Variants in MTHFD1L observed in about 807,000 individuals in gnomAD.
MTHFD1L encodes the protein methylenetetrahydrofolate dehydrogenase (NADP+ dependent) 1 like.
A neutral mutation model predicts 119.5 loss-of-function variants in MTHFD1L; 81 were observed. The observed-to-expected ratio is 0.68, with a 90% CI of 0.57 to 0.82. The LOEUF (loss-of-function observed/expected upper bound fraction) is 0.82, where lower values mean the gene tolerates loss of function less well. Among genes scored for constraint, MTHFD1L ranks in the 40% least tolerant of loss-of-function variants. MTHFD1L has a pLI of 0.00. For synonymous variants in MTHFD1L, 430 were observed against 475.2 expected (o/e 0.90, Z 1.24); for missense variants, 1,125 against 1,253.4 (o/e 0.90, Z 1.55).
At chr6:151,020,439 G>C (rs927502636) in intron 24 of MTHFD1L, among the ~76,000 whole-genome samples, 2 of 152,184 alleles carry the variant, frequency 1.3e-5, no homozygotes, top group African/African-American at 4.8e-5. Flanking sequence ...AGTCTCTGCT[G>C]AACTTTATAG....
At chr6:151,069,098 T>G (rs1791643531) in intron 26 of MTHFD1L, among the ~76,000 whole-genome samples, 1 of 152,192 alleles carries the variant, frequency 6.6e-6, no homozygotes, top group Admixed American at 6.5e-5. Flanking sequence ...ACTGGGATCC[T>G]GGGCAAGGCA....
intron 17 of MTHFD1L, chr6:150,959,310 C>G: frequency 6.5e-6 from 4 of 612,692 alleles, no homozygotes; most frequent in Non-Finnish European, 8.2e-6. Flanking sequence ...GCCATTCTCT[C>G]TCTGCGTAAG....
At chr6:150,889,381 G>C (rs1782857190) in intron 7 of MTHFD1L, among the ~76,000 whole-genome samples, 1 of 152,136 alleles carries the variant, frequency 6.6e-6, no homozygotes, top group South Asian at 2.1e-4. Flanking sequence ...TGGAAGGATA[G>C]CTTAAGAGAC....
At chr6:151,058,167 T>C (rs1790208904) in intron 26 of MTHFD1L, among the ~76,000 whole-genome samples, 1 of 152,210 alleles carries the variant, frequency 6.6e-6, no homozygotes, top group South Asian at 2.1e-4. Flanking sequence ...TTTCCATACC[T>C]AGCAAGAGCT....
chr6:150,949,869 C>A (rs1229841415), intron 16 of MTHFD1L, among the ~76,000 whole-genome samples: 1 of 152,128 alleles, frequency 6.6e-6, no homozygotes, highest in African/African-American at 2.4e-5. Context: ...ATGTTCTTGG[C>A]GTTGGAGATG....
intron 15 of MTHFD1L, 54 bp from the exon 16 acceptor site, chr6:150,948,977 C>G: frequency 6.9e-7 from 1 of 1,453,732 alleles, no homozygotes; most frequent in Non-Finnish European, 9.6e-7. Flanking sequence ...TTTGGTGACC[C>G]TTTGCTTTCT....
At chr6:150,909,954 G>T (rs1786577196) in intron 8 of MTHFD1L, among the ~76,000 whole-genome samples, 1 of 152,154 alleles carries the variant, frequency 6.6e-6, no homozygotes, top group African/African-American at 2.4e-5. Context: ...GCCGAGGCCA[G>T]TGGATCACTT....
At chr6:151,005,643 G>A (rs1781280680) in intron 20 of MTHFD1L, among the ~76,000 whole-genome samples, 2 of 152,084 alleles carry the variant, frequency 1.3e-5, no homozygotes, top group East Asian at 1.9e-4. Context: ...GCATGATGGC[G>A]GGTGCCTGTG....
At chr6:150,945,363 T>C (rs1793746510) in intron 14 of MTHFD1L, 104 bp from the exon 15 acceptor site, 1 of 839,692 alleles carries the variant, frequency 1.2e-6, no homozygotes, top group Admixed American at 2.5e-5. Context: ...TTTATCTAAA[T>C]AGTTCGGTTA....
At chr6:151,084,747 C>CTT (rs1325672600) in intron 26 of MTHFD1L, among the ~76,000 whole-genome samples, 2 of 151,654 alleles carry the variant, frequency 1.3e-5, no homozygotes, top group Non-Finnish European at 2.9e-5. Context: ...GGGCAGATCA[C>CTT]GAGGTCAGGA....
intron 7 of MTHFD1L, among the ~76,000 whole-genome samples, chr6:150,892,874 C>T (rs746116395): frequency 3.9e-5 from 6 of 152,254 alleles, no homozygotes; most frequent in East Asian, 1.9e-4. Context: ...TCCTTGGAGT[C>T]GTGGTAATAT....
rs1778243145 is a variant in MTHFD1L, at chr6:150,866,069, C to G, written c.227+20C>G. ...CGTCAGGTGAGTGTCGGGTCTGGCC[C>G]TGGCCCAGGTCTCCAGCGGCTGTGG... On this transcript the variant is annotated intron_variant, in intron 1 of 27. Coordinates refer to ENST00000367321, the MANE Select transcript of MTHFD1L (RefSeq NM_015440.5). 2 of 1,480,328 alleles carry G rather than the reference C, an allele frequency of 1.4e-6. No homozygotes were observed. The highest frequency in any genetic ancestry group is 2.3e-5 in the Admixed American group (1 of 43,634). The allele number at this position is 1,480,328 out of a possible 1,614,324, so 91.7% of individuals were successfully genotyped here.
At position 150,974,946 on chromosome 6, in the gene MTHFD1L, C is replaced by T. The variant is rs185284504; in HGVS notation, c.2125+2888C>T. 1.9e-4 allele frequency among the ~76,000 whole-genome samples: 29 copies of T among 152,174 alleles called. No individual in the cohort carries two copies. In the East Asian group the frequency reaches 5.6e-3, roughly 29 times the overall value. The stretch of plus-strand genomic sequence containing the variant: ...AGAGATGGGGTTTCTCCATGTTGGT[C>T]AGTCTGGTCTCAAACTCCTGACCTC... On this transcript the variant is annotated intron_variant, in intron 20 of 27. Transcript: ENST00000367321.
At chr6:151,003,579 G>A (rs1358705092) in intron 20 of MTHFD1L, among the ~76,000 whole-genome samples, 1 of 152,132 alleles carries the variant, frequency 6.6e-6, no homozygotes, top group Non-Finnish European at 1.5e-5. Context: ...TTTTCACTAG[G>A]TGATGAATTA....
intron 16 of MTHFD1L, among the ~76,000 whole-genome samples, chr6:150,952,679 G>T (rs1369693537): frequency 6.6e-5 from 10 of 152,170 alleles, no homozygotes; most frequent in African/African-American, 2.4e-4. Flanking sequence ...ACAGGCATGC[G>T]CCACCATGCC....
intron 20 of MTHFD1L, among the ~76,000 whole-genome samples, chr6:150,986,739 C>CT (rs1778359747): frequency 6.6e-6 from 1 of 152,192 alleles, no homozygotes; most frequent in Non-Finnish European, 1.5e-5. Context: ...AAGTCTCACT[C>CT]TGTCGCCCAG....
intron 26 of MTHFD1L, among the ~76,000 whole-genome samples, chr6:151,073,081 G>A (rs962539409): frequency 6.6e-6 from 1 of 152,060 alleles, no homozygotes; most frequent in Non-Finnish European, 1.5e-5. Flanking sequence ...TGTGTAGAGA[G>A]AAGGAACCCA....
intron 23 of MTHFD1L, 137 bp from the exon 24 acceptor site, chr6:151,015,379 A>G (rs1426649713): frequency 8.2e-6 from 8 of 979,154 alleles, no homozygotes; most frequent in Non-Finnish European, 8.9e-6. Flanking sequence ...TGATTTATTT[A>G]AACACGATGT....
chr6:150,935,642 C>T (rs1562410372), intron 11 of MTHFD1L: 20 of 1,122,226 alleles, frequency 1.8e-5, no homozygotes, highest in Non-Finnish European at 2.4e-5. Flanking sequence ...GTGTCTACAG[C>T]GTGGTTTGCC....
Sources: allele counts gnomAD v4.1 joint callset (sites outside exome capture counted in the v4.1 genomes callset), GRCh38; gene constraint gnomAD v4.1.1; transcripts MANE v1.5; gene names NCBI Gene and HGNC (gene_info 2026-07-23, HGNC 2026-07-21).